CHRM2: variants seen among roughly 807,000 people sequenced by gnomAD.
The protein encoded by CHRM2 is muscarinic acetylcholine receptor M2.
Under a neutral mutation model 25.0 loss-of-function variants are expected in CHRM2, and 8 were observed. The ratio of observed to expected loss-of-function variants is 0.32; its 90% CI spans 0.19 to 0.58. CHRM2 has a LOEUF of 0.58. Ranked by LOEUF, CHRM2 falls within the 20% of genes least tolerant of loss-of-function variation. CHRM2 has a pLI of 0.88. For synonymous variants in CHRM2, 202 were observed against 205.7 expected (o/e 0.98, Z 0.15); for missense variants, 440 against 567.1 (o/e 0.78, Z 2.28).
chr7:136,920,100 G>A (rs1798346252), intron 2 of CHRM2, among the ~76,000 whole-genome samples: 1 of 151,776 alleles, frequency 6.6e-6, no homozygotes, highest in Non-Finnish European at 1.5e-5. Flanking sequence ...AACCTTATAT[G>A]GTGACATTTC....
intron 2 of CHRM2, among the ~76,000 whole-genome samples, chr7:136,950,338 A>T (rs1800332242): frequency 6.6e-6 from 1 of 152,116 alleles, no homozygotes; most frequent in African/African-American, 2.4e-5. Flanking sequence ...ACAAATCATA[A>T]TGGGGATGGA....
At chr7:136,960,135 T>G (rs960903569) in intron 2 of CHRM2, among the ~76,000 whole-genome samples, 5 of 152,072 alleles carry the variant, frequency 3.3e-5, no homozygotes, top group African/African-American at 1.2e-4. Context: ...CTAAAAGAAT[T>G]AACTCTTTAC....
intron 2 of CHRM2, among the ~76,000 whole-genome samples, chr7:136,957,532 C>G (rs73727445): frequency 6.6e-6 from 1 of 152,208 alleles, no homozygotes; most frequent in African/African-American, 2.4e-5. Flanking sequence ...TATAAAAATA[C>G]CAGCTTATTC....
In CHRM2 at chr7:136,939,870, C is replaced by T. The variant is rs187805684; in HGVS notation, c.-124-52317C>T. Among the ~76,000 whole-genome samples, 23 of 152,258 alleles carry T rather than the reference C, an allele frequency of 1.5e-4. No homozygotes were observed. The East Asian group carries it at 4.4e-3, about 29-fold the overall frequency. On this transcript the variant is annotated intron_variant, in intron 2 of 3. Coordinates refer to ENST00000680005, the MANE Select transcript of CHRM2 (RefSeq NM_001006630.2). ...GCAAGAGGATTTATCTATATAAATT[C>T]ATTGCCAGTTAAACAATTATATCCA...
chr7:136,896,553 T>A (rs1796909821), intron 2 of CHRM2, among the ~76,000 whole-genome samples: 1 of 152,052 alleles, frequency 6.6e-6, no homozygotes. Context: ...ATAGTAATTC[T>A]ACCTTGCATT....
At chr7:136,953,956 T>C (rs1378935082) in intron 2 of CHRM2, among the ~76,000 whole-genome samples, 1 of 152,000 alleles carries the variant, frequency 6.6e-6, no homozygotes, top group Non-Finnish European at 1.5e-5. Context: ...CTTACCATGG[T>C]GAGAGGAGAT....
At chr7:136,881,706 A>G (rs1364574578) in intron 2 of CHRM2, among the ~76,000 whole-genome samples, 1 of 151,812 alleles carries the variant, frequency 6.6e-6, no homozygotes, top group African/African-American at 2.4e-5. Context: ...CTTTTACATG[A>G]TTTTTTAAAT....
At chr7:136,981,434 T>C (rs1802480860) in intron 2 of CHRM2, among the ~76,000 whole-genome samples, 1 of 152,232 alleles carries the variant, frequency 6.6e-6, no homozygotes, top group African/African-American at 2.4e-5. Flanking sequence ...TTCATGTCTC[T>C]ATCTCCTTCA....
intron 2 of CHRM2, among the ~76,000 whole-genome samples, chr7:136,907,681 A>C (rs552868439): frequency 6.6e-6 from 1 of 151,954 alleles, no homozygotes; most frequent in African/African-American, 2.4e-5. Context: ...ACATACTTAC[A>C]AAATAGGCAT....
intron 2 of CHRM2, among the ~76,000 whole-genome samples, chr7:136,988,853 TAATA>T (rs1048991092): frequency 1.3e-5 from 2 of 152,166 alleles, no homozygotes; most frequent in African/African-American, 4.8e-5. Flanking sequence ...AAATTGAGTC[TAATA>T]AATATGCCTA....
intron 2 of CHRM2, among the ~76,000 whole-genome samples, chr7:136,873,282 C>A (rs1461513916): frequency 6.6e-6 from 1 of 152,104 alleles, no homozygotes; most frequent in African/African-American, 2.4e-5. Context: ...GCTCACCTGG[C>A]CTATGTGGTG....
intron 2 of CHRM2, among the ~76,000 whole-genome samples, chr7:136,987,123 CTCTT>C (rs1802909407): frequency 7.1e-6 from 1 of 140,238 alleles, no homozygotes; most frequent in African/African-American, 2.4e-5. Flanking sequence ...TTTTTTATTT[CTCTT>C]TCTTTTTCTC....
chr7:136,945,728 A>G (rs1364357176), intron 2 of CHRM2, among the ~76,000 whole-genome samples: 1 of 152,032 alleles, frequency 6.6e-6, no homozygotes, highest in African/African-American at 2.4e-5. Context: ...AGTCACATAT[A>G]GCATGAAAAA....
In CHRM2 at chr7:137,017,671, A is replaced by G. The variant is rs368854791; in HGVS notation, c.*1405A>G. On this transcript the variant is annotated 3_prime_UTR_variant, in exon 4 of 4. Coordinates refer to ENST00000680005, the MANE Select transcript of CHRM2 (RefSeq NM_001006630.2). ...TCAAAATTCTCTTATCAATAGAATT[A>G]TAGTAATCTTTGTGACAGAAATGTA... is the stretch of plus-strand genomic sequence containing the variant. 1 of 152,108 alleles carries G rather than the reference A, an allele frequency of 6.6e-6. No homozygotes were observed. Among genetic ancestry groups the G allele is most frequent in the East Asian group, 1.9e-4 (1 of 5,140 alleles). The allele number at this position is 152,108 out of a possible 1,614,324, so 9.4% of individuals were successfully genotyped here.
At chr7:136,895,776 G>T (rs1187585437) in intron 2 of CHRM2, among the ~76,000 whole-genome samples, 1 of 152,038 alleles carries the variant, frequency 6.6e-6, no homozygotes, top group East Asian at 1.9e-4. Context: ...AGAAAATAAG[G>T]ATTTGATTTC....
intron 2 of CHRM2, among the ~76,000 whole-genome samples, chr7:136,906,283 G>T (rs1467811553): frequency 6.7e-6 from 1 of 150,180 alleles, no homozygotes; most frequent in Non-Finnish European, 1.5e-5. Flanking sequence ...AAAAATATTG[G>T]AATAAAAACA....
chr7:136,917,209 T>A (rs1049027102), intron 2 of CHRM2, among the ~76,000 whole-genome samples: 1 of 151,912 alleles, frequency 6.6e-6, no homozygotes, highest in African/African-American at 2.4e-5. Flanking sequence ...CGCTTACTAT[T>A]AATACCTGCT....
At chr7:136,901,284 G>A (rs1797192399) in intron 2 of CHRM2, among the ~76,000 whole-genome samples, 1 of 152,040 alleles carries the variant, frequency 6.6e-6, no homozygotes, top group African/African-American at 2.4e-5. Context: ...GGTATAGTGG[G>A]TTGCATGCAG....
chr7:136,886,752 G>A (rs1322874499), intron 2 of CHRM2, among the ~76,000 whole-genome samples: 1 of 152,050 alleles, frequency 6.6e-6, no homozygotes, highest in East Asian at 1.9e-4. Context: ...CACACTTGTA[G>A]TCCTAGCTAC....
Sources: allele counts gnomAD v4.1 joint callset (sites outside exome capture counted in the v4.1 genomes callset), GRCh38; gene constraint gnomAD v4.1.1; transcripts MANE v1.5; gene names NCBI Gene and HGNC (gene_info 2026-07-23, HGNC 2026-07-21).